The following BCAS1 variants were observed in gnomAD, a reference collection of about 807,000 sequenced individuals.
BCAS1 encodes the protein brain enriched myelin associated protein 1, also known as breast carcinoma-amplified sequence 1.
BCAS1 carries 46 observed loss-of-function variants against 65.4 expected under a neutral mutation model. The observed-to-expected ratio is 0.70, with a 90% CI of 0.55 to 0.90. The LOEUF (loss-of-function observed/expected upper bound fraction) is 0.90, where lower values mean the gene tolerates loss of function less well. Among genes scored for constraint, BCAS1 ranks in the 40% least tolerant of loss-of-function variants. The pLI, the probability that BCAS1 is intolerant of heterozygous loss-of-function variation, is 0.00. For missense variants in BCAS1, 793 were observed against 771.2 expected (o/e 1.03, Z -0.33); for synonymous variants, 298 against 293.5 (o/e 1.02, Z -0.16).
chr20:54,042,588 TG>T (rs2092019733), intron 3 of BCAS1, among the ~76,000 whole-genome samples: 1 of 152,104 alleles, frequency 6.6e-6, no homozygotes, highest in Non-Finnish European at 1.5e-5. Context: ...GGGATACCTC[TG>T]GATATAAGAA....
At chr20:54,067,765 G>C (rs998851084) in intron 1 of BCAS1, among the ~76,000 whole-genome samples, 8 of 152,176 alleles carry the variant, frequency 5.3e-5, no homozygotes, top group Non-Finnish European at 1.0e-4. Context: ...TGAATGGGAG[G>C]GGGGGTGGTT....
At chr20:53,948,082 T>C (rs997704283) in intron 12 of BCAS1, among the ~76,000 whole-genome samples, 6 of 152,210 alleles carry the variant, frequency 3.9e-5, no homozygotes, top group Non-Finnish European at 7.3e-5. Context: ...TGCAAGTGTC[T>C]AGAGCCTGGT....
chr20:53,955,125 A>C (rs1364347438), intron 11 of BCAS1, among the ~76,000 whole-genome samples: 1 of 152,206 alleles, frequency 6.6e-6, no homozygotes, highest in East Asian at 1.9e-4. Context: ...TGGAGAAGGC[A>C]TCAACTGTAG....
chr20:54,045,062 A>C (rs2092075601), intron 3 of BCAS1, among the ~76,000 whole-genome samples: 2 of 151,826 alleles, frequency 1.3e-5, no homozygotes, highest in African/African-American at 4.8e-5. Flanking sequence ...AAACTAAAAA[A>C]TTAGCCAGGT....
At chr20:54,063,658 C>A (rs1181663852) in intron 1 of BCAS1, among the ~76,000 whole-genome samples, 2 of 152,138 alleles carry the variant, frequency 1.3e-5, no homozygotes, top group African/African-American at 4.8e-5. Flanking sequence ...ACACAGGACT[C>A]TTATGTTAAA....
At chr20:53,950,703 TG>T (rs1000000525) in intron 12 of BCAS1, among the ~76,000 whole-genome samples, 58 of 152,354 alleles carry the variant, frequency 3.8e-4, no homozygotes, top group Admixed American at 3.6e-3. Flanking sequence ...CCCCTTTGTT[TG>T]CTGAATATAC....
intron 4 of BCAS1, among the ~76,000 whole-genome samples, chr20:54,007,691 A>G (rs1310777202): frequency 6.6e-6 from 1 of 152,182 alleles, no homozygotes; most frequent in Non-Finnish European, 1.5e-5. Context: ...TGAAATTCTC[A>G]GCTTGAACTT....
At chr20:54,056,129 T>C (rs776910093) in intron 3 of BCAS1, among the ~76,000 whole-genome samples, 2 of 152,180 alleles carry the variant, frequency 1.3e-5, no homozygotes, top group Non-Finnish European at 2.9e-5. Context: ...CTGTTTTGCT[T>C]ACTTGAAATT....
chr20:54,033,185 C>T (rs1368201560), intron 3 of BCAS1, among the ~76,000 whole-genome samples: 1 of 151,090 alleles, frequency 6.6e-6, no homozygotes, highest in Non-Finnish European at 1.5e-5. Context: ...CTAAATCCCA[C>T]ATCAAAAAGT....
In BCAS1 at chr20:54,028,420, C is replaced by T. The variant is rs759835750; in HGVS notation, c.695G>A (p.Gly232Glu). The change falls in exon 4 of 13, where the codon GGG becomes GAG. Residue 232 changes from glycine (G) to glutamate (E), a missense_variant. By Grantham distance (98) the Gly-to-Glu change is moderately conservative. Transcript: ENST00000688948. Reference sequence around the variant, plus strand: ...CCCTGCAGGGACATCATCGGACTGCCCTGATAAGCCAGGAACCTCATCCAC... The same window carrying T: ...CCCTGCAGGGACATCATCGGACTGCTCTGATAAGCCAGGAACCTCATCCAC... ...DKVDEVPGLS[G>E]QSDDVPAGKD... 8.7e-6 allele frequency: 14 copies of T among 1,614,190 alleles called. No homozygotes were observed. The highest frequency in any genetic ancestry group is 1.1e-5 in the South Asian group (1 of 91,082).
intron 1 of BCAS1, among the ~76,000 whole-genome samples, chr20:54,061,291 A>G (rs1468681804): frequency 6.6e-6 from 1 of 152,200 alleles, no homozygotes; most frequent in African/African-American, 2.4e-5. Context: ...GGAGGAATGG[A>G]ACCTCCAAGA....
At chr20:54,001,301 A>G (rs978323510) in intron 4 of BCAS1, among the ~76,000 whole-genome samples, 3 of 152,166 alleles carry the variant, frequency 2.0e-5, no homozygotes, top group African/African-American at 4.8e-5. Context: ...TAACTTCGGG[A>G]GGAATTTAGT....
At chr20:54,056,777 C>T (rs1462836741) in intron 3 of BCAS1, among the ~76,000 whole-genome samples, 1 of 152,118 alleles carries the variant, frequency 6.6e-6, no homozygotes, top group Non-Finnish European at 1.5e-5. Flanking sequence ...TCCTTCATTA[C>T]TCAGGAAAGG....
At chr20:54,024,559 G>T (rs896696867) in intron 4 of BCAS1, among the ~76,000 whole-genome samples, 2 of 152,236 alleles carry the variant, frequency 1.3e-5, no homozygotes, top group African/African-American at 2.4e-5. Flanking sequence ...TCAACCCATA[G>T]CAGTATTTAA....
chr20:54,001,275 TG>T (rs2091048576), intron 4 of BCAS1, among the ~76,000 whole-genome samples: 1 of 152,222 alleles, frequency 6.6e-6, no homozygotes, highest in African/African-American at 2.4e-5. Flanking sequence ...TGTTCATTCC[TG>T]GGGGTAGGCC....
intron 4 of BCAS1, among the ~76,000 whole-genome samples, chr20:54,026,506 C>CG (rs1260541945): frequency 1.3e-5 from 2 of 151,980 alleles, no homozygotes; most frequent in Non-Finnish European, 2.9e-5. Context: ...GATGAGTCAC[C>CG]GGACACCTGT....
At chr20:54,005,090 T>C (rs891802191) in intron 4 of BCAS1, among the ~76,000 whole-genome samples, 1 of 152,198 alleles carries the variant, frequency 6.6e-6, no homozygotes, top group African/African-American at 2.4e-5. Flanking sequence ...AATCTGACAC[T>C]GTCTTCTCTC....
intron 8 of BCAS1, among the ~76,000 whole-genome samples, chr20:53,982,519 T>C (rs1481062181): frequency 6.6e-6 from 1 of 152,208 alleles, no homozygotes; most frequent in Non-Finnish European, 1.5e-5. Flanking sequence ...TACAGGCTTA[T>C]AAACTTTAAA....
At chr20:54,008,246 T>G (rs1874281868) in intron 4 of BCAS1, among the ~76,000 whole-genome samples, 1 of 152,170 alleles carries the variant, frequency 6.6e-6, no homozygotes, top group African/African-American at 2.4e-5. Context: ...ATGGCATCTG[T>G]GGGGCTAAGT....
Sources: allele counts gnomAD v4.1 joint callset (sites outside exome capture counted in the v4.1 genomes callset), GRCh38; gene constraint gnomAD v4.1.1; transcripts MANE v1.5; gene names NCBI Gene and HGNC (gene_info 2026-07-23, HGNC 2026-07-21).